Variants in ATP8B1 observed in about 807,000 individuals in gnomAD.
ATP8B1 encodes ATPase phospholipid transporting 8B1, also known as phospholipid-transporting ATPase IC.
ATP8B1 carries 80 observed loss-of-function variants against 149.9 expected under a neutral mutation model. The ratio of observed to expected loss-of-function variants is 0.53; its 90% confidence interval spans 0.45 to 0.64. ATP8B1 has a LOEUF of 0.64. Ranked by LOEUF, ATP8B1 falls within the 30% of genes least tolerant of loss-of-function variation. ATP8B1 has a pLI of 0.00. For missense variants in ATP8B1, 1,247 were observed against 1,552.6 expected, an observed-to-expected ratio of 0.80 and a Z score of 3.31; for synonymous variants, 536 against 562.8, an observed-to-expected ratio of 0.95 and a Z score of 0.67.
intron 1 of ATP8B1, among the ~76,000 whole-genome samples, chr18:57,770,067 AT>A (rs67664390): frequency 0.081 from 10,810 of 133,838 alleles, 633 homozygotes; most frequent in East Asian, 0.25. Context: ...GCTGAACTGC[AT>A]TTTTTTTTTT....
At chr18:57,684,342 C>T in intron 14 of ATP8B1, 150 bp from the exon 15 acceptor site, 1 of 858,532 alleles carries the variant, frequency 1.2e-6, no homozygotes, top group South Asian at 1.8e-5. Context: ...AGGCTCACAA[C>T]TGTCTTAAAT....
chr18:57,688,406 A>C lies in ATP8B1; in HGVS notation c.1322T>G (p.Leu441Arg). 1 of 1,614,142 alleles carries C rather than the reference A, an allele frequency of 6.2e-7. No homozygotes were observed. Among genetic ancestry groups the C allele is most frequent in the South Asian group, 1.1e-5 (1 of 91,078 alleles). ...DTPAKARTTT[L>R]NEQLGQIHYI... ...ATGGATCTGCCCGAGCTGTTCATTG[A>C]GTGTGGTGGTTCTAGCTTTTGCGGG... The change falls in exon 13 of 28, where the codon CTC becomes CGC. Residue 441 changes from leucine (L) to arginine (R), a missense_variant. This residue lies in a region of ATP8B1 where 853 missense variants were observed against 1,035.7 expected (regional missense o/e 0.82). Transcript: ENST00000648908.
intron 1 of ATP8B1, among the ~76,000 whole-genome samples, chr18:57,732,289 GTA>G (rs1181471173): frequency 0.16 from 1,521 of 9,244 alleles, 83 homozygotes; most frequent in East Asian, 0.42. Flanking sequence ...GTGTATATAT[GTA>G]TATATATGTG....
At chr18:57,742,880 A>G (rs958562221) in intron 1 of ATP8B1, among the ~76,000 whole-genome samples, 36 of 152,120 alleles carry the variant, frequency 2.4e-4, no homozygotes, top group Admixed American at 4.6e-4. Flanking sequence ...TACAACTTCA[A>G]TGCGGTCATT....
Position 57,648,404 on chromosome 18 carries a change from TCACA to T in ATP8B1, c.*80_*83del. On this transcript the variant is annotated 3_prime_UTR_variant, in exon 28 of 28. Transcript: ENST00000648908. Reference sequence around the variant, plus strand: ...TCAATATCTTTGTGATGAATGCAATTCACACACACACACAAAGTCCTGAGAGTCT... The same window carrying T: ...TCAATATCTTTGTGATGAATGCAATTCACACACACAAAGTCCTGAGAGTCT... The T allele has an allele frequency of 4.3e-6, 6 of 1,406,792 alleles. No homozygotes were observed. Among genetic ancestry groups the T allele is most frequent in the South Asian group, 3.5e-5 (3 of 86,172 alleles). 87.1% of individuals were successfully genotyped at this position (1,406,792 alleles called of 1,614,324 possible).
At chr18:57,698,347 A>T (rs1270209035) in intron 6 of ATP8B1, among the ~76,000 whole-genome samples, 2 of 149,484 alleles carry the variant, frequency 1.3e-5, no homozygotes, top group African/African-American at 2.5e-5. Context: ...TTATTTATTA[A>T]TTTTTTTTTT....
intron 22 of ATP8B1, among the ~76,000 whole-genome samples, chr18:57,656,989 CT>C (rs963138202): frequency 4.6e-5 from 7 of 151,728 alleles, no homozygotes; most frequent in African/African-American, 1.7e-4. Flanking sequence ...TTACTTTTTT[CT>C]TTTTTTTCTT....
chr18:57,750,900 C>T (rs1462818408), intron 1 of ATP8B1, among the ~76,000 whole-genome samples: 9 of 152,150 alleles, frequency 5.9e-5, no homozygotes, highest in African/African-American at 2.2e-4. Context: ...GGGTGGATCG[C>T]TTGAGACCAG....
rs1272118646 is a variant in ATP8B1, at chr18:57,646,619, C to T, written c.*1869G>A. 6.6e-6 allele frequency: 1 copy of T among 152,296 alleles called. No individual in the cohort carries two copies. The highest frequency in any genetic ancestry group is 1.9e-4 in the East Asian group (1 of 5,196). 9.4% of individuals were successfully genotyped at this position (152,296 alleles called of 1,614,324 possible). On this transcript the variant is annotated 3_prime_UTR_variant, in exon 28 of 28. Transcript: ENST00000648908. ...CATTGTCAATCTTTCCCACAATTTG[C>T]AAAAACAGGAGAGAAATCTGAAACT...
chr18:57,701,606 A>T (rs1913126538), intron 4 of ATP8B1, among the ~76,000 whole-genome samples: 1 of 152,244 alleles, frequency 6.6e-6, no homozygotes, highest in Admixed American at 6.5e-5. Context: ...ATACCTAAAA[A>T]AGAGTTGCTC....
At chr18:57,705,464 C>A (rs1913344063) in intron 3 of ATP8B1, among the ~76,000 whole-genome samples, 1 of 152,176 alleles carries the variant, frequency 6.6e-6, no homozygotes, top group South Asian at 2.1e-4. Context: ...CAGAGATAAT[C>A]AAGATGAAGT....
At chr18:57,672,931 T>TATAAAA (rs1301236712) in intron 16 of ATP8B1, among the ~76,000 whole-genome samples, 5 of 33,194 alleles carry the variant, frequency 1.5e-4, no homozygotes, top group East Asian at 1.1e-3. Context: ...TATATATATA[T>TATAAAA]AACATGTATA....
chr18:57,775,388 G>A (rs1264884617), intron 1 of ATP8B1, among the ~76,000 whole-genome samples: 3 of 150,546 alleles, frequency 2.0e-5, no homozygotes, highest in Admixed American at 1.3e-4. Flanking sequence ...GAGGAGGGAA[G>A]GAGGAAGGAG....
chr18:57,702,824 T>C (rs1913195753), intron 4 of ATP8B1, among the ~76,000 whole-genome samples: 1 of 143,662 alleles, frequency 7.0e-6, no homozygotes, highest in Non-Finnish European at 1.5e-5. Flanking sequence ...GCCATTGCAC[T>C]CCAGCCTTGA....
intron 2 of ATP8B1, among the ~76,000 whole-genome samples, chr18:57,724,076 C>T (rs1189795621): frequency 6.6e-6 from 1 of 151,960 alleles, no homozygotes; most frequent in Non-Finnish European, 1.5e-5. Flanking sequence ...GATCCCTTCC[C>T]TACACCTTAT....
At chr18:57,735,169 C>T (rs947979841) in intron 1 of ATP8B1, 10 of 160,826 alleles carry the variant, frequency 6.2e-5, no homozygotes, top group Admixed American at 1.3e-4. Flanking sequence ...TTCTGGTTAC[C>T]GCTAGAACTG....
chr18:57,728,404 T>A (rs1599162131), intron 2 of ATP8B1, among the ~76,000 whole-genome samples: 1 of 151,900 alleles, frequency 6.6e-6, no homozygotes, highest in South Asian at 2.1e-4. Context: ...TGACCTTAAC[T>A]GGGAAATTGC....
At chr18:57,705,132 C>G (rs1462695856) in intron 3 of ATP8B1, among the ~76,000 whole-genome samples, 1 of 152,116 alleles carries the variant, frequency 6.6e-6, no homozygotes. Flanking sequence ...TAATTCTAGC[C>G]AAGCAGCCAA....
At chr18:57,748,027 G>A (rs1195790457) in intron 1 of ATP8B1, among the ~76,000 whole-genome samples, 1 of 152,180 alleles carries the variant, frequency 6.6e-6, no homozygotes, top group African/African-American at 2.4e-5. Flanking sequence ...CTGGCTTTCA[G>A]AGTTTGAACA....
Sources: gnomAD v4.1 joint callset for allele counts (sites outside exome capture counted in the v4.1 genomes callset) on GRCh38, gnomAD v4.1.1 for gene constraint, gnomAD v4.1.1 regional missense constraint, MANE v1.5 for transcripts, NCBI Gene and HGNC (gene_info 2026-07-23, HGNC 2026-07-21) for gene names.